Variants in NIBAN1 observed in about 807,000 individuals in gnomAD.
The protein encoded by NIBAN1 is niban apoptosis regulator 1.
A neutral mutation model predicts 75.1 loss-of-function variants in NIBAN1; 81 were observed. That is an observed-to-expected ratio of 1.08 (90% CI 0.90 to 1.30). The LOEUF is 1.30. NIBAN1 is among the 50% of genes most tolerant of loss of function. NIBAN1 has a pLI of 0.00. For synonymous variants in NIBAN1, 436 were observed against 424.8 expected (o/e 1.03, Z -0.32); for missense variants, 1,133 against 1,128.1 (o/e 1.00, Z -0.06).
chr1:184,823,387 T>C, intron 7 of NIBAN1, 58 bp from the exon 8 acceptor site: 1 of 1,589,028 alleles, frequency 6.3e-7, no homozygotes, highest in Non-Finnish European at 8.6e-7. Flanking sequence ...ACTGATGGAG[T>C]CAAGTGGAGG....
chr1:184,969,894 A>G (rs1458447066), intron 1 of NIBAN1, among the ~76,000 whole-genome samples: 2 of 152,014 alleles, frequency 1.3e-5, no homozygotes. Flanking sequence ...GGCTGGGCAC[A>G]GAGGCTCATG....
chr1:184,877,864 T>C (rs1418298221), intron 5 of NIBAN1, among the ~76,000 whole-genome samples: 1 of 152,106 alleles, frequency 6.6e-6, no homozygotes, highest in Non-Finnish European at 1.5e-5. Context: ...TCAAAAACTG[T>C]CCAGTGATTT....
intron 12 of NIBAN1, among the ~76,000 whole-genome samples, chr1:184,798,889 C>T (rs1041135789): frequency 6.6e-6 from 1 of 152,026 alleles, no homozygotes; most frequent in Non-Finnish European, 1.5e-5. Context: ...GAGATTCATC[C>T]ATGTTGCTGC....
At chr1:184,797,520 T>C (rs2102178879) in intron 13 of NIBAN1, among the ~76,000 whole-genome samples, 1 of 150,584 alleles carries the variant, frequency 6.6e-6, no homozygotes, top group South Asian at 2.1e-4. Flanking sequence ...GGATACTGGA[T>C]GCCGGAGTCC....
At chr1:184,943,426 A>G (rs1292920461) in intron 1 of NIBAN1, among the ~76,000 whole-genome samples, 1 of 152,216 alleles carries the variant, frequency 6.6e-6, no homozygotes, top group Admixed American at 6.5e-5. Flanking sequence ...TAGTCTCCCA[A>G]TGCACCAATG....
chr1:184,867,930 A>G, intron 5 of NIBAN1: 1 of 985,442 alleles, frequency 1.0e-6, no homozygotes, highest in Non-Finnish European at 1.2e-6. Context: ...GTGTCACACA[A>G]CGGGACAGTG....
chr1:184,883,244 T>G (rs1440267159), intron 5 of NIBAN1, among the ~76,000 whole-genome samples: 1 of 152,240 alleles, frequency 6.6e-6, no homozygotes, highest in Non-Finnish European at 1.5e-5. Flanking sequence ...GAGCTGAAAG[T>G]TCGGCACTCC....
chr1:184,805,831 A>G, intron 11 of NIBAN1, 115 bp downstream of exon 11: 1 of 768,274 alleles, frequency 1.3e-6, no homozygotes, highest in Non-Finnish European at 2.2e-6. Flanking sequence ...CTTGGGAGAG[A>G]AAGGAGTGGG....
rs143669261 is a variant in NIBAN1 at position 184,870,770 on chromosome 1, C to A, written c.601+13863G>T. 1.9e-3 allele frequency among the ~76,000 whole-genome samples: 288 copies of A among 152,308 alleles called. 1 individual carries two copies. The highest frequency in any genetic ancestry group is 6.7e-3 in the African/African-American group (278 of 41,572). The stretch of plus-strand genomic sequence containing the variant: ...CTATGGTGTTCAGCAGCATAGCATA[C>A]TCTATACCGTAACCAACCCTCTTAC... On this transcript the variant is annotated intron_variant, in intron 5 of 13. Transcript: ENST00000367511.
At chr1:184,879,068 G>A (rs1172663801) in intron 5 of NIBAN1, among the ~76,000 whole-genome samples, 1 of 152,198 alleles carries the variant, frequency 6.6e-6, no homozygotes, top group African/African-American at 2.4e-5. Flanking sequence ...AGAAGAGAAT[G>A]TAGCTCAAGC....
rs539682182 is a variant in NIBAN1 at position 184,881,301 on chromosome 1, C to T, written c.601+3332G>A. On this transcript the variant is annotated intron_variant, in intron 5 of 13. Transcript: ENST00000367511. ...CCCTTCATCAGGGTTAAATAGGAAACGCCCACCCTATAAGGAAAAGCAGGA... is the reference window on the plus strand; with the variant it reads ...CCCTTCATCAGGGTTAAATAGGAAATGCCCACCCTATAAGGAAAAGCAGGA... 1.3e-4 allele frequency among the ~76,000 whole-genome samples: 20 copies of T among 152,074 alleles called. 1 individual carries two copies. The highest frequency in any genetic ancestry group is 2.6e-4 in the Admixed American group (4 of 15,262).
chr1:184,813,665 A>G (rs1012741818), intron 9 of NIBAN1, among the ~76,000 whole-genome samples: 1 of 152,258 alleles, frequency 6.6e-6, no homozygotes, highest in Non-Finnish European at 1.5e-5. Context: ...AAGTCTAAAC[A>G]TGTCGTACAT....
chr1:184,899,592 C>T (rs1053450434), intron 1 of NIBAN1, among the ~76,000 whole-genome samples: 7 of 152,064 alleles, frequency 4.6e-5, no homozygotes, highest in African/African-American at 7.2e-5. Context: ...GACTAAATCC[C>T]GTAACCTATT....
chr1:184,818,559 G>A, intron 9 of NIBAN1, 79 bp downstream of exon 9: 1 of 1,316,530 alleles, frequency 7.6e-7, no homozygotes, highest in South Asian at 1.7e-5. Flanking sequence ...GGAAGGGAGG[G>A]AGAAATGGCA....
chr1:184,871,848 A>G (rs1290877661), intron 5 of NIBAN1, among the ~76,000 whole-genome samples: 1 of 152,222 alleles, frequency 6.6e-6, no homozygotes, highest in Non-Finnish European at 1.5e-5. Flanking sequence ...AGTGAAAGAG[A>G]TAAATATTTC....
intron 4 of NIBAN1, among the ~76,000 whole-genome samples, chr1:184,889,897 T>C (rs984947759): frequency 1.3e-5 from 2 of 152,224 alleles, no homozygotes; most frequent in Admixed American, 1.3e-4. Flanking sequence ...TTAGGGTCTG[T>C]CCTGTGCATG....
At chr1:184,853,865 C>T (rs1335851909) in intron 5 of NIBAN1, among the ~76,000 whole-genome samples, 1 of 152,100 alleles carries the variant, frequency 6.6e-6, no homozygotes, top group Non-Finnish European at 1.5e-5. Flanking sequence ...TCTTTGCTTT[C>T]CCATTAAGAC....
chr1:184,921,975 C>T (rs776738196), intron 1 of NIBAN1, among the ~76,000 whole-genome samples: 3 of 152,138 alleles, frequency 2.0e-5, no homozygotes, highest in Non-Finnish European at 4.4e-5. Flanking sequence ...TATATTATAA[C>T]ACACAAGTCC....
intron 8 of NIBAN1, among the ~76,000 whole-genome samples, chr1:184,822,273 C>T (rs779969885): frequency 1.3e-5 from 2 of 152,116 alleles, no homozygotes; most frequent in Non-Finnish European, 2.9e-5. Context: ...GAATGGAGAA[C>T]CATAGAATTT....
Sources: allele counts gnomAD v4.1 joint callset (sites outside exome capture counted in the v4.1 genomes callset), GRCh38; gene constraint gnomAD v4.1.1; transcripts MANE v1.5; gene names NCBI Gene and HGNC (gene_info 2026-07-23, HGNC 2026-07-21).